DMD: variants seen among roughly 807,000 people sequenced by gnomAD.
DMD encodes the protein mutant dystrophin.
Under a neutral mutation model 330.1 loss-of-function variants are expected in DMD, and 63 were observed. The ratio of observed to expected loss-of-function variants is 0.19; its 90% CI spans 0.16 to 0.24. DMD has a LOEUF of 0.24. Among genes scored for constraint, DMD ranks in the 10% least tolerant of loss-of-function variants. The pLI is 1.00. For synonymous variants in DMD, 1,223 were observed against 959.8 expected, an observed-to-expected ratio of 1.27 and a Z score of -5.07; for missense variants, 3,344 against 2,684.1, an observed-to-expected ratio of 1.25 and a Z score of -5.43.
intron 52 of DMD, among the ~76,000 whole-genome samples, chrX:31,725,416 AG>A (rs1039863626): frequency 1.8e-5 from 2 of 111,140 alleles, no homozygotes; most frequent in Non-Finnish European, 3.8e-5. Flanking sequence ...ATAACTAAAC[AG>A]CTACCAAAAA....
chrX:32,748,676 T>C (rs2070402625), intron 7 of DMD, among the ~76,000 whole-genome samples: 1 of 111,787 alleles, frequency 8.9e-6, no homozygotes, highest in Non-Finnish European at 1.9e-5. Context: ...AACATGCAAA[T>C]TAAAACAGAT....
chrX:32,511,417 G>A (rs1371232466), intron 18 of DMD, among the ~76,000 whole-genome samples: 1 of 106,608 alleles, frequency 9.4e-6, no homozygotes, highest in Non-Finnish European at 1.9e-5. Context: ...AGCTACTCGG[G>A]AGGCTGAGGC....
intron 47 of DMD, among the ~76,000 whole-genome samples, chrX:31,918,101 C>T (rs1006984015): frequency 8.9e-6 from 1 of 112,788 alleles, no homozygotes; most frequent in African/African-American, 3.2e-5. Flanking sequence ...TTCTGCTCTA[C>T]GTGATGGCAC....
intron 13 of DMD, among the ~76,000 whole-genome samples, chrX:32,580,256 T>C (rs1478484468): frequency 8.9e-6 from 1 of 111,886 alleles, no homozygotes; most frequent in African/African-American, 3.3e-5. Context: ...TTGAGGTTAA[T>C]GTCTTGCACA....
chrX:31,293,204 A>AGTGTGTGTGTGTGTGT (rs559104990), intron 62 of DMD, among the ~76,000 whole-genome samples: 5 of 58,482 alleles, frequency 8.5e-5, no homozygotes, highest in African/African-American at 2.9e-4. Flanking sequence ...AGTCTGGTTT[A>AGTGTGTGTGTGTGTGT]GTGTGTGTGT....
At chrX:31,339,841 C>T (rs2057628210) in intron 61 of DMD, among the ~76,000 whole-genome samples, 1 of 112,543 alleles carries the variant, frequency 8.9e-6, no homozygotes, top group African/African-American at 3.2e-5. Context: ...TCCCAAAGTG[C>T]TGGGATTACT....
rs778708709 is a variant in DMD at position 32,918,588 on chromosome X, C to T, written c.94-68768G>A. Reference sequence around the variant, plus strand: ...CTGGTCTCGAACTCCTGGGCTCAAGCGATCTGCCTGCCTTGGCCTCCCAAA... The same window carrying T: ...CTGGTCTCGAACTCCTGGGCTCAAGTGATCTGCCTGCCTTGGCCTCCCAAA... On this transcript the variant is annotated intron_variant, in intron 2 of 78. Transcript: ENST00000357033. Among the ~76,000 whole-genome samples, 478 of 111,810 alleles carry T rather than the reference C, an allele frequency of 4.3e-3. 1 individual carries two copies. Among genetic ancestry groups the T allele is most frequent in the Non-Finnish European group, 6.7e-3 (355 of 53,170 alleles).
At chrX:31,479,543 T>C (rs191931541) in intron 57 of DMD, among the ~76,000 whole-genome samples, 3 of 112,509 alleles carry the variant, frequency 2.7e-5, no homozygotes, top group East Asian at 2.8e-4. Flanking sequence ...TATTAAAGTA[T>C]ACAATGAATC....
intron 1 of DMD, among the ~76,000 whole-genome samples, chrX:33,134,627 A>G (rs2095516103): frequency 8.9e-6 from 1 of 112,371 alleles, no homozygotes; most frequent in African/African-American, 3.2e-5. Context: ...TAAGTTGGTG[A>G]GGTGATAGAT....
At chrX:32,272,993 A>G (rs1478470080) in intron 43 of DMD, among the ~76,000 whole-genome samples, 1 of 111,715 alleles carries the variant, frequency 9.0e-6, no homozygotes. Context: ...TCTAAGTAGG[A>G]GCGCTATGAC....
chrX:32,638,644 T>C (rs1280798723), intron 11 of DMD, among the ~76,000 whole-genome samples: 2 of 112,106 alleles, frequency 1.8e-5, no homozygotes, highest in African/African-American at 3.2e-5. Context: ...ACTTACCAAA[T>C]TGTGAAATAA....
At chrX:32,751,770 G>A (rs1372513417) in intron 7 of DMD, among the ~76,000 whole-genome samples, 2 of 112,231 alleles carry the variant, frequency 1.8e-5, no homozygotes, top group South Asian at 7.5e-4. Context: ...ATGGTTTTGT[G>A]GGCTAGGCCC....
chrX:32,891,734 C>A (rs1055089167), intron 2 of DMD, among the ~76,000 whole-genome samples: 3 of 111,916 alleles, frequency 2.7e-5, no homozygotes, highest in Non-Finnish European at 1.9e-5. Flanking sequence ...CTGTAAATCA[C>A]TACATTATGT....
intron 43 of DMD, among the ~76,000 whole-genome samples, chrX:32,252,903 TATAC>T (rs1385406786): frequency 3.7e-5 from 3 of 80,443 alleles, no homozygotes; most frequent in African/African-American, 9.7e-5. Context: ...TATATAAATA[TATAC>T]ATAAATATAT....
chrX:32,238,822 A>G (rs1254270155), intron 43 of DMD, among the ~76,000 whole-genome samples: 1 of 111,677 alleles, frequency 9.0e-6, no homozygotes, highest in Non-Finnish European at 1.9e-5. Context: ...GTAAAAATTT[A>G]TGATGATGAG....
chrX:32,874,011 G>A (rs1240660824), intron 2 of DMD, among the ~76,000 whole-genome samples: 1 of 111,757 alleles, frequency 8.9e-6, no homozygotes, highest in Non-Finnish European at 1.9e-5. Context: ...GTCTAGGATA[G>A]CGCCTGAAAA....
chrX:32,146,341 G>A (rs2096778296), intron 44 of DMD, among the ~76,000 whole-genome samples: 1 of 111,497 alleles, frequency 9.0e-6, no homozygotes, highest in East Asian at 2.8e-4. Context: ...ACAGAGACAG[G>A]GAGAGGGAGA....
At chrX:31,578,260 C>G (rs759095979) in intron 55 of DMD, among the ~76,000 whole-genome samples, 1 of 111,799 alleles carries the variant, frequency 8.9e-6, no homozygotes. Context: ...AGACAGGTGT[C>G]ATTAATCTTA....
intron 7 of DMD, among the ~76,000 whole-genome samples, chrX:32,702,735 G>C: frequency 9.0e-6 from 1 of 111,181 alleles, no homozygotes; most frequent in East Asian, 2.8e-4. Flanking sequence ...ACTGTGTACG[G>C]GGGAAATGAA....
Sources: allele counts gnomAD v4.1 joint callset (sites outside exome capture counted in the v4.1 genomes callset), GRCh38; gene constraint gnomAD v4.1.1; transcripts MANE v1.5; gene names NCBI Gene and HGNC (gene_info 2026-07-23, HGNC 2026-07-21).